The following KCNIP4 variants were observed in gnomAD, a reference collection of about 807,000 sequenced individuals.
KCNIP4 encodes potassium voltage-gated channel interacting protein 4.
Under a neutral mutation model 34.0 loss-of-function variants are expected in KCNIP4, and 12 were observed. The observed-to-expected ratio is 0.35, with a 90% confidence interval of 0.23 to 0.57. The LOEUF is 0.57. Among genes scored for constraint, KCNIP4 ranks in the 20% least tolerant of loss-of-function variants. KCNIP4 has a pLI of 0.83. For synonymous variants in KCNIP4, 124 were observed against 102.2 expected (o/e 1.21, Z -1.29); for missense variants, 238 against 311.7 (o/e 0.76, Z 1.78).
At chr4:21,648,431 G>A (rs1458536708) in intron 1 of KCNIP4, among the ~76,000 whole-genome samples, 2 of 152,304 alleles carry the variant, frequency 1.3e-5, no homozygotes, top group East Asian at 1.9e-4. Flanking sequence ...CACTGAGACT[G>A]TGTGAGGCTC....
chr4:20,997,158 T>C (rs1481659109), intron 1 of KCNIP4, among the ~76,000 whole-genome samples: 1 of 152,118 alleles, frequency 6.6e-6, no homozygotes, highest in Non-Finnish European at 1.5e-5. Flanking sequence ...ACAGGCATGA[T>C]CATGGCAGTA....
intron 1 of KCNIP4, among the ~76,000 whole-genome samples, chr4:21,266,377 C>A (rs1445313520): frequency 6.6e-6 from 1 of 150,604 alleles, no homozygotes; most frequent in Non-Finnish European, 1.5e-5. Flanking sequence ...ACAAATTATT[C>A]CTTAAAAACA....
At position 21,556,710 on chromosome 4, in the gene KCNIP4, C is replaced by T. The variant is rs574740729; in HGVS notation, c.61+391861G>A. The stretch of plus-strand genomic sequence containing the variant: ...CTGAGGCAGGCAGATCACCTGAGGT[C>T]AGGAGTTCCAGACCTGCCTGGCCAA... On this transcript the variant is annotated intron_variant, in intron 1 of 8. Coordinates refer to ENST00000382152, the MANE Select transcript of KCNIP4 (RefSeq NM_025221.6). Among the ~76,000 whole-genome samples the T allele has an allele frequency of 2.5e-3, 382 of 152,066 alleles. 1 individual carries two copies. The highest frequency in any genetic ancestry group is 4.0e-3 in the Non-Finnish European group (271 of 67,996).
At chr4:21,919,359 AAGAT>A (rs1435433312) in intron 1 of KCNIP4, among the ~76,000 whole-genome samples, 1 of 152,184 alleles carries the variant, frequency 6.6e-6, no homozygotes, top group Non-Finnish European at 1.5e-5. Flanking sequence ...CTTGGATTCG[AAGAT>A]AGATAAACTG....
intron 3 of KCNIP4, among the ~76,000 whole-genome samples, chr4:20,776,146 G>A (rs1578590767): frequency 6.6e-6 from 1 of 152,138 alleles, no homozygotes; most frequent in East Asian, 1.9e-4. Context: ...ATATTATGAA[G>A]GTATTATTTC....
Position 21,471,642 on chromosome 4 carries a change from C to T in KCNIP4, c.61+476929G>A, listed in dbSNP as rs150676010. On this transcript the variant is annotated intron_variant, in intron 1 of 8. Transcript: ENST00000382152. ...AGAGAAAGGGGAATGAGACAGTAAA[C>T]AATGGGCTTAATTTCCTTTTCAACA... 1.8e-3 allele frequency among the ~76,000 whole-genome samples: 268 copies of T among 152,236 alleles called. 1 individual carries two copies. The highest frequency in any genetic ancestry group is 0.01 in the Middle Eastern group (3 of 294).
At chr4:21,605,077 A>G (rs1169608393) in intron 1 of KCNIP4, among the ~76,000 whole-genome samples, 1 of 152,194 alleles carries the variant, frequency 6.6e-6, no homozygotes, top group African/African-American at 2.4e-5. Flanking sequence ...CGGGCTGGTC[A>G]CTAAAATGCA....
At chr4:21,036,361 A>C (rs1741442412) in intron 1 of KCNIP4, among the ~76,000 whole-genome samples, 1 of 152,202 alleles carries the variant, frequency 6.6e-6, no homozygotes. Context: ...AAGCACAGGC[A>C]AGGGATATGG....
At chr4:21,512,612 GAT>G (rs1348012601) in intron 1 of KCNIP4, among the ~76,000 whole-genome samples, 2 of 152,088 alleles carry the variant, frequency 1.3e-5, no homozygotes, top group Non-Finnish European at 2.9e-5. Context: ...AGGCCACAGA[GAT>G]ATTCTCAACA....
At chr4:21,770,157 C>G (rs1337800850) in intron 1 of KCNIP4, among the ~76,000 whole-genome samples, 2 of 152,006 alleles carry the variant, frequency 1.3e-5, no homozygotes, top group Admixed American at 6.6e-5. Flanking sequence ...GTGTGTTGTT[C>G]CCTTCTCTGT....
At chr4:21,047,880 T>A (rs1163486087) in intron 1 of KCNIP4, among the ~76,000 whole-genome samples, 1 of 152,218 alleles carries the variant, frequency 6.6e-6, no homozygotes, top group African/African-American at 2.4e-5. Flanking sequence ...TTAAAGCTCA[T>A]CAGATCATTT....
intron 1 of KCNIP4, among the ~76,000 whole-genome samples, chr4:21,622,683 C>T (rs893960682): frequency 8.6e-5 from 13 of 151,984 alleles, no homozygotes; most frequent in African/African-American, 4.8e-5. Context: ...ACATAATTCT[C>T]CATATTTATA....
chr4:20,896,959 G>A lies in KCNIP4; in HGVS notation c.62-14250C>T, dbSNP rs181643057. 1.5e-3 allele frequency among the ~76,000 whole-genome samples: 220 copies of A among 151,522 alleles called. 1 individual carries two copies. Among genetic ancestry groups the A allele is most frequent in the African/African-American group, 4.8e-3 (199 of 41,276 alleles). ...ATTTTTTTTTTTTAATTACTGCCAAGCTCACTCATCCCAGGCAAATTAGTC... is the reference window on the plus strand; with the variant it reads ...ATTTTTTTTTTTTAATTACTGCCAAACTCACTCATCCCAGGCAAATTAGTC... On this transcript the variant is annotated intron_variant, in intron 1 of 8. Coordinates refer to ENST00000382152, the MANE Select transcript of KCNIP4 (RefSeq NM_025221.6).
At chr4:21,918,400 T>C (rs1396629173) in intron 1 of KCNIP4, among the ~76,000 whole-genome samples, 5 of 152,160 alleles carry the variant, frequency 3.3e-5, no homozygotes, top group South Asian at 2.1e-4. Context: ...ACTAGTTCTT[T>C]CCATGCACAT....
At chr4:21,062,531 T>A (rs1307478066) in intron 1 of KCNIP4, among the ~76,000 whole-genome samples, 1 of 58,816 alleles carries the variant, frequency 1.7e-5, no homozygotes, top group African/African-American at 7.4e-5. Flanking sequence ...TGTGTGTGCA[T>A]GTGTGTGTGT....
chr4:21,171,451 T>C (rs1246960239), intron 1 of KCNIP4, among the ~76,000 whole-genome samples: 3 of 152,226 alleles, frequency 2.0e-5, no homozygotes, highest in African/African-American at 7.2e-5. Flanking sequence ...ATTCATCCTT[T>C]CACTGGACAG....
At chr4:21,643,394 T>C (rs1560587115) in intron 1 of KCNIP4, among the ~76,000 whole-genome samples, 1 of 152,136 alleles carries the variant, frequency 6.6e-6, no homozygotes, top group Non-Finnish European at 1.5e-5. Context: ...GTATTAATCA[T>C]GTTAAGCAAA....
chr4:21,892,384 G>A (rs10001475), intron 1 of KCNIP4, among the ~76,000 whole-genome samples: 11,977 of 151,758 alleles, frequency 0.079, 1,584 homozygotes, highest in African/African-American at 0.28. Context: ...ACCCTCACAG[G>A]GCAGGGCAGT....
At chr4:21,241,375 T>C (rs1342438323) in intron 1 of KCNIP4, among the ~76,000 whole-genome samples, 7 of 152,210 alleles carry the variant, frequency 4.6e-5, no homozygotes, top group Admixed American at 1.3e-4. Context: ...TATTTTGAAA[T>C]GCTTCTTCTT....
Sources: allele counts gnomAD v4.1 joint callset (sites outside exome capture counted in the v4.1 genomes callset), GRCh38; gene constraint gnomAD v4.1.1; transcripts MANE v1.5; gene names NCBI Gene and HGNC (gene_info 2026-07-23, HGNC 2026-07-21).